The following TAF7L variants were observed in gnomAD, a reference collection of about 807,000 sequenced individuals.
TAF7L encodes transcription initiation factor TFIID subunit 7-like.
A neutral mutation model predicts 30.2 loss-of-function variants in TAF7L; 6 were observed. The ratio of observed to expected loss-of-function variants is 0.20; its 90% CI spans 0.11 to 0.39. The LOEUF (loss-of-function observed/expected upper bound fraction) is 0.39. Ranked by LOEUF, TAF7L falls within the 10% of genes least tolerant of loss-of-function variation. The pLI is 1.00. For missense variants in TAF7L, 284 were observed against 277.1 expected, an observed-to-expected ratio of 1.03 and a Z score of -0.18; for synonymous variants, 93 against 94.5, an observed-to-expected ratio of 0.98 and a Z score of 0.09.
intron 12 of TAF7L, among the ~76,000 whole-genome samples, chrX:101,269,485 C>T (rs887379883): frequency 5.4e-5 from 6 of 111,880 alleles, no homozygotes; most frequent in African/African-American, 1.9e-4. Flanking sequence ...TCAGTTTTCA[C>T]ACTGCTGATA....
At position 101,276,417 on chromosome X, in the gene TAF7L, T is replaced by C; in HGVS notation, c.803A>G (p.Asp268Gly). The C allele has an allele frequency of 8.3e-7, 1 of 1,201,252 alleles. No homozygotes were observed. ...DEDEDEDEDE[D>G]KEEEEEDCSE... ...ACAATCTTCCTCCTCCTCTTCTTTGTCTTCATCTTCATCCTCATCCTCATC... is the reference window on the plus strand; with the variant it reads ...ACAATCTTCCTCCTCCTCTTCTTTGCCTTCATCTTCATCCTCATCCTCATC... Residue 268 changes from aspartate to glycine, a missense_variant, in exon 10 of 13, where the codon GAC (aspartate) becomes GGC (glycine). Transcript: ENST00000356784.
At chrX:101,277,124 T>C (rs1295372515) in intron 9 of TAF7L, among the ~76,000 whole-genome samples, 43 of 72,224 alleles carry the variant, frequency 6.0e-4, no homozygotes, top group African/African-American at 1.3e-3. Context: ...TACACTCCAG[T>C]TTGGGCGACA....
Position 101,287,561 on chromosome X carries a change from A to C in TAF7L, c.-2-16T>G. The C allele has an allele frequency of 8.4e-7, 1 of 1,193,661 alleles. No homozygotes were observed. The highest frequency in any genetic ancestry group is 1.1e-6 in the Non-Finnish European group (1 of 880,808). Reference sequence around the variant, plus strand: ...TCACTCATGTCTTGATTTTGAGTTCATGAAAGCAAAAAGAAAACCATCACT... The same window carrying C: ...TCACTCATGTCTTGATTTTGAGTTCCTGAAAGCAAAAAGAAAACCATCACT... On this transcript the variant is annotated splice_polypyrimidine_tract_variant and intron_variant, in intron 1 of 12. Transcript: ENST00000356784.
chrX:101,287,865 G>C, intron 1 of TAF7L: 1 of 167,241 alleles, frequency 6.0e-6, no homozygotes, highest in Non-Finnish European at 1.1e-5. Context: ...TAGACTCTCA[G>C]GTAAAAGACT....
chrX:101,277,635 C>T lies in TAF7L; in HGVS notation c.662G>A (p.Ser221Asn), dbSNP rs750823409. 1 of 1,198,793 alleles carries T rather than the reference C, an allele frequency of 8.3e-7. No individual in the cohort carries two copies. Among genetic ancestry groups the T allele is most frequent in the East Asian group, 3.0e-5 (1 of 33,342 alleles). The change falls in exon 9 of 13, where the codon AGC (serine) becomes AAC (asparagine). Residue 221 changes from serine to asparagine, a missense_variant. Coordinates refer to ENST00000356784, the MANE Select transcript of TAF7L (RefSeq NM_001168474.2). ...CGAGGTATGACCCTGCTTGTGGCTG[C>T]TCATTCCCGAGGATATCAAAAATCC... Reference protein sequence around the residue: ...IPGFLISSGMSSHKQGHTSSE... With the variant: ...IPGFLISSGMNSHKQGHTSSE...
chrX:101,274,273 G>A (rs1924081739), intron 12 of TAF7L, among the ~76,000 whole-genome samples: 3 of 108,055 alleles, frequency 2.8e-5, no homozygotes, highest in South Asian at 4.1e-4. Flanking sequence ...GGAGTGCAGT[G>A]GTGTGATCAT....
intron 7 of TAF7L, among the ~76,000 whole-genome samples, chrX:101,278,578 T>C (rs1803509652): frequency 8.9e-6 from 1 of 112,256 alleles, no homozygotes; most frequent in South Asian, 3.7e-4. Context: ...CTTAGCTGCA[T>C]GTTCTCCCTT....
At chrX:101,292,310 G>T (rs1924852059), upstream of TAF7L, among the ~76,000 whole-genome samples, 1 of 103,829 alleles carries the variant, frequency 9.6e-6, no homozygotes. Flanking sequence ...ATGATGGCAG[G>T]CGCCTGTAAT....
chrX:101,275,681 G>A (rs980292789), intron 11 of TAF7L, among the ~76,000 whole-genome samples: 5 of 111,301 alleles, frequency 4.5e-5, no homozygotes, highest in Non-Finnish European at 9.4e-5. Flanking sequence ...CAGTATTTAC[G>A]TTTCAAGGAT....
At chrX:101,277,941 T>C in intron 8 of TAF7L, 108 bp downstream of exon 8, 1 of 688,393 alleles carries the variant, frequency 1.5e-6, no homozygotes, top group South Asian at 2.5e-5. Flanking sequence ...CAAAGAATCT[T>C]AAGTTCCACA....
chrX:101,272,127 C>T (rs145890084), intron 12 of TAF7L, among the ~76,000 whole-genome samples: 4 of 111,423 alleles, frequency 3.6e-5, no homozygotes, highest in South Asian at 3.8e-4. Flanking sequence ...AGTCAGCACA[C>T]ATTTTCTATA....
chrX:101,277,822 C>CT (rs748606419), intron 8 of TAF7L, 103 bp from the exon 9 acceptor site: 193 of 616,091 alleles, frequency 3.1e-4, no homozygotes, highest in Non-Finnish European at 4.6e-4. Flanking sequence ...TTTAGTCCAA[C>CT]TTTAGGCCAT....
At chrX:101,291,631 C>A (rs1428174205), upstream of TAF7L, among the ~76,000 whole-genome samples, 2 of 111,152 alleles carry the variant, frequency 1.8e-5, no homozygotes, top group African/African-American at 6.5e-5. Context: ...CTTTGGGAGG[C>A]CAAGGCGGGC....
Position 101,269,218 on chromosome X carries a change from T to A in TAF7L, c.1106A>T (p.Gln369Leu). ...KNEKLISLQE[Q>L]LQRFLKK is the part of the protein sequence containing the mutation. Reference sequence around the variant, plus strand: ...TCACTTCTTCAGAAAACGCTGCAACTGTTCCTGTAGGGAAATGAGCTGTAG... The same window carrying A: ...TCACTTCTTCAGAAAACGCTGCAACAGTTCCTGTAGGGAAATGAGCTGTAG... Residue 369 changes from glutamine (Q) to leucine (L), a missense_variant, in exon 13 of 13, where the codon CAG becomes CTG. Transcript: ENST00000356784. 1 of 1,209,453 alleles carries A rather than the reference T, an allele frequency of 8.3e-7. No individual in the cohort carries two copies. Among genetic ancestry groups the A allele is most frequent in the South Asian group, 1.8e-5 (1 of 56,309 alleles).
intron 9 of TAF7L, among the ~76,000 whole-genome samples, chrX:101,277,062 GAAC>G: frequency 1.0e-5 from 1 of 99,484 alleles, no homozygotes; most frequent in Non-Finnish European, 2.0e-5. Context: ...TGAGGCACAA[GAAC>G]TACTTGAACC....
At chrX:101,269,989 A>G (rs1443082393) in intron 12 of TAF7L, among the ~76,000 whole-genome samples, 1 of 111,456 alleles carries the variant, frequency 9.0e-6, no homozygotes, top group Non-Finnish European at 1.9e-5. Flanking sequence ...TCTTGTCCCA[A>G]TGAACACAAT....
upstream of TAF7L, among the ~76,000 whole-genome samples, chrX:101,291,857 T>C (rs767875201): frequency 1.2e-5 from 1 of 85,624 alleles, no homozygotes; most frequent in Non-Finnish European, 2.3e-5. Flanking sequence ...AGAGTGAGAC[T>C]CTGTCCGAAA....
chrX:101,269,108 G>T lies in TAF7L; in HGVS notation c.*85C>A. On this transcript the variant is annotated 3_prime_UTR_variant, in exon 13 of 13. Transcript: ENST00000356784. ...ATAACTGATTCAACATAAGGCAACT[G>T]AAGGGACAAAAACGTGCACAGTTTC... The T allele has an allele frequency of 2.3e-6, 2 of 879,430 alleles. No homozygotes were observed. The highest frequency in any genetic ancestry group is 2.3e-5 in the South Asian group (1 of 43,789). The allele number at this position is 879,430 out of a possible 1,213,427, so 72.5% of individuals were successfully genotyped here. A position where few individuals can be genotyped will look rare whatever the true frequency, so the allele number is the denominator to read the frequency against.
rs748961579 is a variant in TAF7L, at chrX:101,276,437, C to CTCATCCTCATCCTCATCTTCA, written c.762_782dup (p.Asp254_Asp260dup). Reference sequence around the variant, plus strand: ...CTTTGTCTTCATCTTCATCCTCATCCTCATCCTCATCCTCATCTTCATCAT... The same window carrying CTCATCCTCATCCTCATCTTCA: ...CTTTGTCTTCATCTTCATCCTCATCCTCATCCTCATCCTCATCTTCATCATCCTCATCCTCATCTTCATCAT... On this transcript the variant is annotated inframe_insertion, in exon 10 of 13. Transcript: ENST00000356784. 8.3e-7 allele frequency: 1 copy of CTCATCCTCATCCTCATCTTCA among 1,203,430 alleles called. No individual in the cohort carries two copies. Among genetic ancestry groups the CTCATCCTCATCCTCATCTTCA allele is most frequent in the Non-Finnish European group, 1.1e-6 (1 of 889,015 alleles).
Sources: gnomAD v4.1 joint callset for allele counts (sites outside exome capture counted in the v4.1 genomes callset) on GRCh38, gnomAD v4.1.1 for gene constraint, MANE v1.5 for transcripts, NCBI Gene and HGNC (gene_info 2026-07-23, HGNC 2026-07-21) for gene names.